TBC1D5: variants seen among roughly 807,000 people sequenced by gnomAD.
TBC1D5 encodes TBC1 domain family, member 5.
A neutral mutation model predicts 100.3 loss-of-function variants in TBC1D5; 75 were observed. That is an observed-to-expected ratio of 0.75 (90% CI 0.62 to 0.91). The LOEUF (loss-of-function observed/expected upper bound fraction) is 0.91. Ranked by LOEUF, TBC1D5 falls within the 40% of genes least tolerant of loss-of-function variation. The pLI is 0.00. For synonymous variants in TBC1D5, 323 were observed against 325.6 expected, an observed-to-expected ratio of 0.99 and a Z score of 0.09; for missense variants, 910 against 942.4, an observed-to-expected ratio of 0.97 and a Z score of 0.45.
chr3:17,672,663 T>C (rs2068076900), intron 1 of TBC1D5: 1 of 152,236 alleles, frequency 6.6e-6, no homozygotes, highest in Admixed American at 6.5e-5. Context: ...ATGACAGTGT[T>C]GTCTGCAGGC....
chr3:17,391,105 T>A (rs550864431), intron 8 of TBC1D5, among the ~76,000 whole-genome samples: 2 of 152,208 alleles, frequency 1.3e-5, no homozygotes, highest in South Asian at 4.2e-4. Flanking sequence ...AAAAAGAACA[T>A]GGGGAAGACC....
chr3:17,208,515 A>G (rs2072536046), intron 18 of TBC1D5, among the ~76,000 whole-genome samples: 1 of 152,228 alleles, frequency 6.6e-6, no homozygotes. Context: ...ACTATTTAAT[A>G]AAATAATAAG....
exon 22 of TBC1D5, chr3:17,157,682 A>G (rs974524109): frequency 6.6e-6 from 1 of 152,290 alleles, no homozygotes; most frequent in Non-Finnish European, 1.5e-5. Context: ...CTCCTGTTCT[A>G]TAATGAACCC....
intron 4 of TBC1D5, among the ~76,000 whole-genome samples, chr3:17,408,046 G>A (rs898863231): frequency 6.6e-6 from 1 of 152,006 alleles, no homozygotes; most frequent in Non-Finnish European, 1.5e-5. Flanking sequence ...GTGGTTAAGA[G>A]AATGGACATG....
At chr3:17,477,917 A>T (rs1012146804) in intron 3 of TBC1D5, among the ~76,000 whole-genome samples, 1 of 152,140 alleles carries the variant, frequency 6.6e-6, no homozygotes, top group East Asian at 1.9e-4. Flanking sequence ...AAATGTTCAC[A>T]TAAGAGAATA....
chr3:17,555,609 G>A (rs574556820), intron 2 of TBC1D5, among the ~76,000 whole-genome samples: 2 of 152,264 alleles, frequency 1.3e-5, no homozygotes, highest in Admixed American at 1.3e-4. Flanking sequence ...ATGGGACTGT[G>A]ATTCTATTCA....
chr3:17,170,490 C>T (rs1050121655), intron 19 of TBC1D5, among the ~76,000 whole-genome samples: 6 of 152,176 alleles, frequency 3.9e-5, no homozygotes, highest in African/African-American at 1.4e-4. Context: ...CTTTTGCTCT[C>T]CTAACTAGAC....
intron 1 of TBC1D5, among the ~76,000 whole-genome samples, chr3:17,695,203 A>G (rs1252470907): frequency 6.6e-6 from 1 of 152,186 alleles, no homozygotes; most frequent in African/African-American, 2.4e-5. Context: ...GGGCAAAATA[A>G]CCAGGGAACA....
intron 13 of TBC1D5, among the ~76,000 whole-genome samples, chr3:17,350,016 C>T (rs1368554995): frequency 3.3e-5 from 5 of 152,066 alleles, no homozygotes; most frequent in Non-Finnish European, 5.9e-5. Flanking sequence ...TGTTTCATAA[C>T]TTTTATTTAT....
chr3:17,224,093 C>A (rs923710195), intron 17 of TBC1D5, among the ~76,000 whole-genome samples: 3 of 152,104 alleles, frequency 2.0e-5, no homozygotes, highest in African/African-American at 7.2e-5. Context: ...TTGTGAATGG[C>A]TTTTCCTAGG....
intron 13 of TBC1D5, among the ~76,000 whole-genome samples, chr3:17,345,523 G>C (rs1056173069): frequency 3.9e-5 from 6 of 151,996 alleles, no homozygotes; most frequent in African/African-American, 1.5e-4. Context: ...GATTCCTCAG[G>C]GATCTAGAAC....
chr3:17,166,580 C>A (rs144051628), intron 21 of TBC1D5, among the ~76,000 whole-genome samples, 187 bp downstream of exon 22: 31 of 152,376 alleles, frequency 2.0e-4, no homozygotes, highest in Non-Finnish European at 1.9e-4. Flanking sequence ...TTACCAGTAT[C>A]ATTGTGAATG....
chr3:17,528,951 T>C (rs559752307), intron 2 of TBC1D5, among the ~76,000 whole-genome samples: 1 of 152,336 alleles, frequency 6.6e-6, no homozygotes, highest in East Asian at 1.9e-4. Flanking sequence ...ATGTCTCTTC[T>C]GTCCTTCTCT....
At chr3:17,251,739 T>C (rs2077203019) in intron 16 of TBC1D5, among the ~76,000 whole-genome samples, 1 of 152,248 alleles carries the variant, frequency 6.6e-6, no homozygotes, top group Admixed American at 6.5e-5. Flanking sequence ...CACTTTGCTC[T>C]GATTTAACTT....
At chr3:17,589,635 A>G (rs915263010) in intron 2 of TBC1D5, among the ~76,000 whole-genome samples, 2 of 152,220 alleles carry the variant, frequency 1.3e-5, no homozygotes, top group Non-Finnish European at 2.9e-5. Context: ...CTTTTTGTAA[A>G]TCGTCCAGTC....
chr3:17,280,501 G>A (rs754440331), intron 15 of TBC1D5, among the ~76,000 whole-genome samples: 1 of 152,188 alleles, frequency 6.6e-6, no homozygotes, highest in African/African-American at 2.4e-5. Flanking sequence ...TGCCAGCAGA[G>A]AGGGGAGAGG....
intron 2 of TBC1D5, among the ~76,000 whole-genome samples, chr3:17,512,631 T>C (rs1460224854): frequency 6.6e-6 from 1 of 152,186 alleles, no homozygotes; most frequent in Non-Finnish European, 1.5e-5. Context: ...AGCAATCTCA[T>C]TTTTCTGACT....
intron 20 of TBC1D5, 55 bp downstream of exon 21, chr3:17,167,694 G>T: frequency 6.6e-7 from 1 of 1,521,626 alleles, no homozygotes; most frequent in Admixed American, 1.7e-5. Context: ...GCCCTGGGGG[G>T]CCCTCCCCGC....
exon 22 of TBC1D5, chr3:17,159,071 C>G (rs2065823080): frequency 1.3e-5 from 2 of 152,262 alleles, no homozygotes; most frequent in Non-Finnish European, 2.9e-5. Flanking sequence ...GCAGCTTACT[C>G]AGAGGTGCTG....
Sources: gnomAD v4.1 joint callset for allele counts (sites outside exome capture counted in the v4.1 genomes callset) on GRCh38, gnomAD v4.1.1 for gene constraint, MANE v1.5 for transcripts, NCBI Gene and HGNC (gene_info 2026-07-23, HGNC 2026-07-21) for gene names.